Variants in SYCP1 observed in about 807,000 individuals in gnomAD.
SYCP1 encodes the protein synaptonemal complex protein 1, also known as cancer/testis antigen 8.
Under a neutral mutation model 153.1 loss-of-function variants are expected in SYCP1, and 64 were observed. The observed-to-expected ratio is 0.42, with a 90% confidence interval of 0.34 to 0.51. SYCP1 has a LOEUF of 0.51. Among genes scored for constraint, SYCP1 ranks in the 20% least tolerant of loss-of-function variants. The pLI, the probability that SYCP1 is intolerant of heterozygous loss-of-function variation, is 0.06. For synonymous variants in SYCP1, 384 were observed against 341.8 expected (o/e 1.12, Z -1.36); for missense variants, 997 against 1,049.0 (o/e 0.95, Z 0.68).
At chr1:114,896,384 G>C (rs936976706) in intron 16 of SYCP1, among the ~76,000 whole-genome samples, 3 of 152,126 alleles carry the variant, frequency 2.0e-5, no homozygotes, top group Non-Finnish European at 4.4e-5. Flanking sequence ...ACTTATACAA[G>C]TCTTAGCTTA....
intron 16 of SYCP1, among the ~76,000 whole-genome samples, chr1:114,902,367 G>A (rs1667522456): frequency 6.6e-6 from 1 of 152,088 alleles, no homozygotes; most frequent in Admixed American, 6.6e-5. Context: ...AGGAAAAACC[G>A]GGTTCTTGTC....
chr1:114,973,181 A>C (rs1036564943), intron 27 of SYCP1, among the ~76,000 whole-genome samples: 2 of 152,096 alleles, frequency 1.3e-5, no homozygotes, highest in African/African-American at 4.8e-5. Flanking sequence ...GAAAAAGATA[A>C]AATTTACCTG....
intron 27 of SYCP1, among the ~76,000 whole-genome samples, chr1:114,958,344 A>G (rs1334942408): frequency 1.3e-5 from 2 of 152,172 alleles, no homozygotes; most frequent in African/African-American, 4.8e-5. Flanking sequence ...ATATACAATT[A>G]GATAAAAGAT....
chr1:114,916,591 T>C (rs1168496145), intron 20 of SYCP1, among the ~76,000 whole-genome samples: 1 of 151,722 alleles, frequency 6.6e-6, no homozygotes, highest in East Asian at 1.9e-4. Flanking sequence ...AGTTTGATTT[T>C]AGAATTTCTT....
intron 23 of SYCP1, among the ~76,000 whole-genome samples, chr1:114,934,386 C>G (rs1299156020): frequency 6.6e-6 from 1 of 152,122 alleles, no homozygotes; most frequent in Non-Finnish European, 1.5e-5. Flanking sequence ...ACCAGGCCTG[C>G]CTTACAAGAG....
At chr1:114,974,739 G>C (rs1672705614) in intron 27 of SYCP1, among the ~76,000 whole-genome samples, 1 of 151,630 alleles carries the variant, frequency 6.6e-6, no homozygotes, top group Non-Finnish European at 1.5e-5. Context: ...TTCTTTTGAT[G>C]GACATTTGAG....
intron 27 of SYCP1, among the ~76,000 whole-genome samples, chr1:114,958,819 A>G (rs1003862336): frequency 1.3e-5 from 2 of 149,200 alleles, no homozygotes; most frequent in African/African-American, 4.9e-5. Flanking sequence ...AGTCCCAGCT[A>G]CTCGGGAGGC....
chr1:114,944,300 G>C (rs776038193), intron 23 of SYCP1, 39 bp from the exon 24 acceptor site: 1 of 1,132,586 alleles, frequency 8.8e-7, no homozygotes, highest in Non-Finnish European at 1.3e-6. Flanking sequence ...GTAATCCATA[G>C]CATTTACTAA....
intron 27 of SYCP1, among the ~76,000 whole-genome samples, chr1:114,967,250 TTCTA>T (rs1489135531): frequency 6.6e-6 from 1 of 152,124 alleles, no homozygotes; most frequent in Admixed American, 6.6e-5. Flanking sequence ...TGTCTCATTC[TTCTA>T]TCTAATATTG....
intron 8 of SYCP1, among the ~76,000 whole-genome samples, chr1:114,868,380 A>G (rs1483854779): frequency 2.0e-5 from 3 of 152,068 alleles, no homozygotes; most frequent in Non-Finnish European, 2.9e-5. Context: ...GCCTCAAGCA[A>G]TCCTTTCACT....
intron 24 of SYCP1, 137 bp from the exon 25 acceptor site, chr1:114,944,735 A>G (rs913230451): frequency 1.3e-5 from 9 of 694,960 alleles, no homozygotes; most frequent in Non-Finnish European, 2.2e-5. Flanking sequence ...AACCCCAAAC[A>G]GTGCATTTTC....
chr1:114,863,536 A>AG (rs1003975836), intron 8 of SYCP1, among the ~76,000 whole-genome samples: 1 of 151,946 alleles, frequency 6.6e-6, no homozygotes, highest in African/African-American at 2.4e-5. Flanking sequence ...CTGGCAACAG[A>AG]GCAAGAGCCC....
chr1:114,856,809 G>A (rs1663977144), intron 3 of SYCP1, 152 bp downstream of exon 3: 1 of 591,340 alleles, frequency 1.7e-6, no homozygotes, highest in Non-Finnish European at 2.8e-6. Flanking sequence ...GGCTGGACAC[G>A]GTGGCTAACA....
rs755280585 is a variant in SYCP1, at chr1:114,860,825, G to T, written c.598+16G>T. On this transcript the variant is annotated intron_variant, in intron 8 of 31. Transcript: ENST00000369522. ...ACAAAGAAATGTAAATATCTTTCTT[G>T]TTTTATGTGATTTTATCAATTTATT... is the stretch of plus-strand genomic sequence containing the variant. The T allele has an allele frequency of 6.5e-7, 1 of 1,543,638 alleles. No individual in the cohort carries two copies. The highest frequency in any genetic ancestry group is 8.8e-7 in the Non-Finnish European group (1 of 1,141,556).
intron 16 of SYCP1, among the ~76,000 whole-genome samples, chr1:114,896,280 T>A (rs999875362): frequency 1.9e-4 from 29 of 152,320 alleles, no homozygotes; most frequent in African/African-American, 7.0e-4. Context: ...AGCATTATTT[T>A]AAAATATTTT....
chr1:114,876,740 A>G lies in SYCP1; in HGVS notation c.731A>G (p.Lys244Arg), dbSNP rs768933758. 3.0e-6 allele frequency: 4 copies of G among 1,352,352 alleles called. No individual in the cohort carries two copies. In the African/African-American group the frequency reaches 6.1e-5, roughly 21 times the overall value. 83.8% of individuals were successfully genotyped at this position (1,352,352 alleles called of 1,614,324 possible). A position where few individuals can be genotyped will look rare whatever the true frequency, so the allele number is the denominator to read the frequency against. ...TATATTTGTTTTATTTTTAAAGTAA[A>G]GGAAGATTATGAAAAAATCCAACAC... ...NSRLEMHFKL[K>R]EDYEKIQHLE... Residue 244 changes from lysine to arginine, a missense_variant, in exon 11 of 32, where the codon AAG becomes AGG. By Grantham distance (26) the Lys-to-Arg change is conservative (BLOSUM62 2). Transcript: ENST00000369522.
At chr1:114,926,747 C>T (rs1570786710) in intron 23 of SYCP1, among the ~76,000 whole-genome samples, 184 bp downstream of exon 23, 2 of 152,150 alleles carry the variant, frequency 1.3e-5, no homozygotes, top group South Asian at 4.1e-4. Flanking sequence ...ATAGAGTACA[C>T]ATCTGTGATT....
At chr1:114,939,052 T>C (rs1229587032) in intron 23 of SYCP1, among the ~76,000 whole-genome samples, 1 of 152,096 alleles carries the variant, frequency 6.6e-6, no homozygotes, top group African/African-American at 2.4e-5. Flanking sequence ...TAATTTCACT[T>C]CTAGATATAT....
At chr1:114,890,688 C>T (rs1666649827) in intron 15 of SYCP1, among the ~76,000 whole-genome samples, 1 of 152,160 alleles carries the variant, frequency 6.6e-6, no homozygotes, top group African/African-American at 2.4e-5. Flanking sequence ...TACTCAACTT[C>T]TTTGGGTGAC....
Sources: gnomAD v4.1 joint callset for allele counts (sites outside exome capture counted in the v4.1 genomes callset) on GRCh38, gnomAD v4.1.1 for gene constraint, MANE v1.5 for transcripts, NCBI Gene and HGNC (gene_info 2026-07-23, HGNC 2026-07-21) for gene names.